The following UBN2 variants were observed in gnomAD, a reference collection of about 807,000 sequenced individuals.
The protein encoded by UBN2 is ubinuclein-2.
In UBN2, 35 loss-of-function variants were observed where a neutral mutation model predicts 120.2. The observed-to-expected ratio is 0.29, with a 90% CI of 0.22 to 0.39. The LOEUF (loss-of-function observed/expected upper bound fraction) is 0.39, where lower values mean the gene tolerates loss of function less well. Among genes scored for constraint, UBN2 ranks in the 10% least tolerant of loss-of-function variants. The pLI, the probability that UBN2 is intolerant of heterozygous loss-of-function variation, is 1.00. For missense variants in UBN2, 1,693 were observed against 1,663.2 expected, an observed-to-expected ratio of 1.02 and a Z score of -0.31; for synonymous variants, 661 against 648.7, an observed-to-expected ratio of 1.02 and a Z score of -0.29.
the UBN2 span, among the ~76,000 whole-genome samples, chr7:139,317,348 T>G: frequency 2.0e-5 from 3 of 152,084 alleles, no homozygotes; most frequent in Non-Finnish European, 4.4e-5. Flanking sequence ...GTTTTTAATT[T>G]TTTTTAGAGA....
At position 139,305,370 on chromosome 7, in the gene UBN2, A is replaced by G. The variant is rs2131094415; in HGVS notation, c.*7534A>G. 6.6e-6 allele frequency: 1 copy of G among 152,190 alleles called. No homozygotes were observed. Among genetic ancestry groups the G allele is most frequent in the East Asian group, 1.9e-4 (1 of 5,200 alleles). 9.4% of individuals were successfully genotyped at this position (152,190 alleles called of 1,614,324 possible). A position where few individuals can be genotyped will look rare whatever the true frequency, so the allele number is the denominator to read the frequency against. On this transcript the variant is annotated 3_prime_UTR_variant, in exon 18 of 18. Transcript: ENST00000473989. ...GCAACCTATCCTGTGTCCCCATAGA[A>G]CTGAGAAGTAAAGCCCTGTGCAGGC...
intron 7 of UBN2, 91 bp downstream of exon 7, chr7:139,266,494 T>C: frequency 1.5e-6 from 1 of 674,146 alleles, no homozygotes; most frequent in South Asian, 1.9e-5. Context: ...TGGCAAGTCT[T>C]GGGCATGAGT....
chr7:139,274,654 AG>A (rs1473830194), intron 11 of UBN2, among the ~76,000 whole-genome samples: 7 of 151,760 alleles, frequency 4.6e-5, no homozygotes, highest in Non-Finnish European at 7.4e-5. Context: ...CCCAGCTACT[AG>A]GGAGGCTGAG....
chr7:139,253,181 A>T (rs1796666313), intron 3 of UBN2, among the ~76,000 whole-genome samples: 1 of 152,208 alleles, frequency 6.6e-6, no homozygotes, highest in Non-Finnish European at 1.5e-5. Flanking sequence ...CACCCATTTG[A>T]TGTACATCTA....
At chr7:139,316,259 T>A in the UBN2 span, among the ~76,000 whole-genome samples, 2 of 152,026 alleles carry the variant, frequency 1.3e-5, no homozygotes, top group African/African-American at 2.4e-5. Context: ...TCTTTTCATG[T>A]GCTTAGTAAG....
intron 2 of UBN2, among the ~76,000 whole-genome samples, chr7:139,243,994 A>G (rs1796391842): frequency 6.6e-6 from 1 of 152,192 alleles, no homozygotes; most frequent in East Asian, 1.9e-4. Flanking sequence ...TAATAAAATA[A>G]CATTTATTGA....
chr7:139,310,156 G>C (rs865844432), downstream of UBN2, among the ~76,000 whole-genome samples: 6 of 152,068 alleles, frequency 3.9e-5, no homozygotes, highest in Admixed American at 3.9e-4. Flanking sequence ...CCTAACATTG[G>C]ATTTGGCTTG....
chr7:139,261,207 GT>G, intron 5 of UBN2, 44 bp from the exon 6 acceptor site: 1 of 1,530,908 alleles, frequency 6.5e-7, no homozygotes, highest in Non-Finnish European at 8.7e-7. Flanking sequence ...ACACTTTAAC[GT>G]TTAAAATCAC....
At chr7:139,240,453 T>C (rs1232240300) in intron 2 of UBN2, among the ~76,000 whole-genome samples, 2 of 41,672 alleles carry the variant, frequency 4.8e-5, no homozygotes, top group East Asian at 8.2e-4. Context: ...TATATATATA[T>C]ATTTTTTTTT....
chr7:139,291,745 T>C (rs548080817), intron 15 of UBN2, among the ~76,000 whole-genome samples: 1 of 152,184 alleles, frequency 6.6e-6, no homozygotes, highest in Admixed American at 6.5e-5. Context: ...TCCCAGCTAC[T>C]TGGGAGGCTG....
chr7:139,231,451 G>A lies in UBN2; in HGVS notation c.-34G>A. The A allele has an allele frequency of 7.7e-7, 1 of 1,293,958 alleles. No individual in the cohort carries two copies. 80.2% of individuals were successfully genotyped at this position (1,293,958 alleles called of 1,614,324 possible). A position where few individuals can be genotyped will look rare whatever the true frequency, so the allele number is the denominator to read the frequency against. On this transcript the variant is annotated 5_prime_UTR_variant, in exon 1 of 18. Coordinates refer to ENST00000473989, the MANE Select transcript of UBN2 (RefSeq NM_173569.4). ...CAGCGCGCCGTAGAAGCGAGCGCCGGCTCGAGCAAAAGCGGAGGGCCAGAA... is the reference window on the plus strand; with the variant it reads ...CAGCGCGCCGTAGAAGCGAGCGCCGACTCGAGCAAAAGCGGAGGGCCAGAA...
At chr7:139,257,837 G>T (rs182998121) in intron 3 of UBN2, among the ~76,000 whole-genome samples, 6 of 152,192 alleles carry the variant, frequency 3.9e-5, no homozygotes, top group African/African-American at 1.2e-4. Context: ...TTTCACTCTT[G>T]TGCAATGACG....
the UBN2 span, among the ~76,000 whole-genome samples, chr7:139,326,635 T>A: frequency 6.6e-6 from 1 of 152,250 alleles, no homozygotes; most frequent in African/African-American, 2.4e-5. Context: ...ATTCATTGAA[T>A]GATAAAATAT....
chr7:139,318,433 T>C, the UBN2 span, among the ~76,000 whole-genome samples: 1 of 152,200 alleles, frequency 6.6e-6, no homozygotes, highest in Non-Finnish European at 1.5e-5. Context: ...TCTGTGTGTT[T>C]AGTGATTTTT....
Position 139,293,225 on chromosome 7 carries a change from T to C in UBN2, c.3670-7T>C. ...CTTATGTATTTTGACCCCTGGTTTC[T>C]GCACAGTCCACAGCAGGAGCATCAT... On this transcript the variant is annotated splice_region_variant and splice_polypyrimidine_tract_variant and intron_variant, in intron 15 of 17. Transcript: ENST00000473989. 1.2e-6 allele frequency: 2 copies of C among 1,613,110 alleles called. No individual in the cohort carries two copies. The highest frequency in any genetic ancestry group is 1.7e-6 in the Non-Finnish European group (2 of 1,179,058).
At position 139,298,072 on chromosome 7, in the gene UBN2, A is replaced by G. The variant is rs1585035133; in HGVS notation, c.*236A>G. On this transcript the variant is annotated 3_prime_UTR_variant, in exon 18 of 18. Coordinates refer to ENST00000473989, the MANE Select transcript of UBN2 (RefSeq NM_173569.4). ...CCTTTGGTCTCTTCTAAAGAATGAC[A>G]GAGTTACCGTATTAACAGACTTGAA... The G allele has an allele frequency of 6.3e-6, 3 of 474,532 alleles. No individual in the cohort carries two copies. In the East Asian group the frequency reaches 1.0e-4, roughly 16 times the overall value. The allele number at this position is 474,532 out of a possible 1,614,324, so 29.4% of individuals were successfully genotyped here.
rs1796024127 is a variant in UBN2, at chr7:139,231,858, A to T, written c.374A>T (p.Glu125Val). 2 of 1,555,942 alleles carry T rather than the reference A, an allele frequency of 1.3e-6. No individual in the cohort carries two copies. The highest frequency in any genetic ancestry group is 2.8e-5 in the African/African-American group (2 of 70,528). ...RAEQPPRPPR[E>V]TVRLELVLKD... ...GAGCAGCCGCCGCGGCCGCCGAGGG[A>T]GACGGTGCGCCTGGAGCTGGTGCTT... is the stretch of plus-strand genomic sequence containing the variant. The change falls in exon 1 of 18, where the codon GAG becomes GTG. Residue 125 changes from glutamate to valine, a missense_variant. By Grantham distance (121) the Glu-to-Val change is moderately radical. This residue lies in a region of UBN2 where 663 missense variants were observed against 591.2 expected (regional missense o/e 1.12). Coordinates refer to ENST00000473989, the MANE Select transcript of UBN2 (RefSeq NM_173569.4).
chr7:139,238,073 C>T (rs1796213845), intron 2 of UBN2, among the ~76,000 whole-genome samples: 1 of 152,206 alleles, frequency 6.6e-6, no homozygotes, highest in African/African-American at 2.4e-5. Flanking sequence ...AAGCCCCACT[C>T]CTCACCCCAC....
At chr7:139,294,711 CAT>C (rs1798061907) in intron 17 of UBN2, among the ~76,000 whole-genome samples, 1 of 152,136 alleles carries the variant, frequency 6.6e-6, no homozygotes, top group Non-Finnish European at 1.5e-5. Flanking sequence ...CCTGATGGCG[CAT>C]GCCTGTAGTC....
Sources: allele counts gnomAD v4.1 joint callset (sites outside exome capture counted in the v4.1 genomes callset), GRCh38; gene constraint gnomAD v4.1.1; regional missense constraint gnomAD v4.1.1; transcripts MANE v1.5; gene names NCBI Gene and HGNC (gene_info 2026-07-23, HGNC 2026-07-21).